Variants in NEK11 observed in about 807,000 individuals in gnomAD.
The protein encoded by NEK11 is NIMA related kinase 11, also known as serine/threonine-protein kinase Nek11.
In NEK11, 72 loss-of-function variants were observed where a neutral mutation model predicts 80.7. The ratio of observed to expected loss-of-function variants is 0.89; its 90% CI spans 0.74 to 1.08. NEK11 has a LOEUF of 1.08. NEK11 is among the 50% of genes least tolerant of loss of function. The probability of loss-of-function intolerance (pLI) is 0.00; values close to 1 mark genes in which losing one functional copy is unlikely to be tolerated. For missense variants in NEK11, 764 were observed against 763.6 expected, an observed-to-expected ratio of 1.00 and a Z score of -0.01; for synonymous variants, 251 against 260.7, an observed-to-expected ratio of 0.96 and a Z score of 0.36.
chr3:131,294,222 G>A (rs1296475817), intron 17 of NEK11, among the ~76,000 whole-genome samples: 3 of 151,888 alleles, frequency 2.0e-5, no homozygotes, highest in Admixed American at 2.0e-4. Flanking sequence ...TTTTTCCTAA[G>A]CATTGCTTTC....
chr3:131,296,786 T>A (rs550377213), intron 17 of NEK11, among the ~76,000 whole-genome samples: 7 of 152,234 alleles, frequency 4.6e-5, no homozygotes, highest in Admixed American at 1.3e-4. Context: ...GCATTAGGTA[T>A]AGCTCCTAAT....
intron 14 of NEK11, among the ~76,000 whole-genome samples, chr3:131,172,818 C>G (rs1447418655): frequency 2.0e-5 from 3 of 152,126 alleles, no homozygotes; most frequent in African/African-American, 7.2e-5. Flanking sequence ...AGATACAGGT[C>G]ACAAAGACCT....
intron 17 of NEK11, among the ~76,000 whole-genome samples, chr3:131,296,908 C>T (rs1029810949): frequency 3.3e-5 from 5 of 151,672 alleles, no homozygotes; most frequent in East Asian, 1.9e-4. Flanking sequence ...GAGAATATGC[C>T]GTGTTTGGTT....
At chr3:131,093,434 T>A (rs1183788518) in intron 4 of NEK11, among the ~76,000 whole-genome samples, 1 of 152,072 alleles carries the variant, frequency 6.6e-6, no homozygotes, top group Non-Finnish European at 1.5e-5. Flanking sequence ...TGTGCAATTT[T>A]TTTTTTTGAG....
intron 4 of NEK11, among the ~76,000 whole-genome samples, chr3:131,083,530 G>T (rs998062869): frequency 6.6e-6 from 1 of 152,200 alleles, no homozygotes; most frequent in Non-Finnish European, 1.5e-5. Context: ...CTCTTAACTG[G>T]CACAGGGCTG....
At chr3:131,334,931 T>C (rs1236606019) in intron 17 of NEK11, among the ~76,000 whole-genome samples, 1 of 152,180 alleles carries the variant, frequency 6.6e-6, no homozygotes, top group Admixed American at 6.5e-5. Context: ...AGAAGTTCAA[T>C]CTCTGAATAG....
At chr3:131,321,170 C>G (rs2096893668) in intron 17 of NEK11, among the ~76,000 whole-genome samples, 1 of 152,092 alleles carries the variant, frequency 6.6e-6, no homozygotes, top group East Asian at 1.9e-4. Flanking sequence ...ACCAATGGAA[C>G]AGAATAGAGA....
In NEK11 at chr3:131,313,299, T is replaced by TATG. The variant is rs2096800282; in HGVS notation, c.1719-36255_1719-36253dup. ...GTGAATATACACATGCATGTATCTT[T>TATG]ATGATAGAATGATTTATATTCCTTT... On this transcript the variant is annotated intron_variant, in intron 17 of 17. Coordinates refer to ENST00000383366, the MANE Select transcript of NEK11 (RefSeq NM_024800.5). 2.0e-5 allele frequency among the ~76,000 whole-genome samples: 3 copies of TATG among 152,198 alleles called. No homozygotes were observed. In the South Asian group the frequency reaches 6.2e-4, roughly 31 times the overall value.
At chr3:131,122,144 T>G (rs1400905635) in intron 5 of NEK11, among the ~76,000 whole-genome samples, 1 of 152,160 alleles carries the variant, frequency 6.6e-6, no homozygotes, top group Non-Finnish European at 1.5e-5. Context: ...TCCTGAAAGG[T>G]AGTGTTAAGA....
chr3:131,199,615 C>T (rs1404403512), intron 14 of NEK11, among the ~76,000 whole-genome samples: 1 of 151,128 alleles, frequency 6.6e-6, no homozygotes, highest in Admixed American at 6.6e-5. Context: ...AAGTCCCTAA[C>T]CTCTTGGAAT....
At chr3:131,122,526 G>A (rs1382948364) in intron 5 of NEK11, among the ~76,000 whole-genome samples, 1 of 152,234 alleles carries the variant, frequency 6.6e-6, no homozygotes, top group Non-Finnish European at 1.5e-5. Flanking sequence ...CAGGACAGGG[G>A]CCACATGGCA....
intron 17 of NEK11, among the ~76,000 whole-genome samples, chr3:131,332,088 G>T (rs888861061): frequency 2.0e-4 from 31 of 152,316 alleles, no homozygotes; most frequent in Non-Finnish European, 2.8e-4. Context: ...TAAACGTCCC[G>T]GTCTGACAGC....
intron 16 of NEK11, among the ~76,000 whole-genome samples, chr3:131,248,071 T>G (rs1206121416): frequency 2.6e-5 from 4 of 152,102 alleles, no homozygotes; most frequent in African/African-American, 9.7e-5. Flanking sequence ...TTTTTCCAAT[T>G]TGGGTGCTAT....
chr3:131,152,360 T>C (rs575424163), intron 7 of NEK11, 28 bp from the exon 8 acceptor site: 9 of 1,564,432 alleles, frequency 5.8e-6, no homozygotes, highest in African/African-American at 1.4e-5. Context: ...ATTTGTTCCT[T>C]ATTTAAATTC....
At chr3:131,172,304 T>G (rs2092742282) in intron 14 of NEK11, among the ~76,000 whole-genome samples, 1 of 152,248 alleles carries the variant, frequency 6.6e-6, no homozygotes, top group African/African-American at 2.4e-5. Context: ...CACAATGATG[T>G]AACAGCTCTT....
intron 17 of NEK11, among the ~76,000 whole-genome samples, chr3:131,301,891 C>T (rs2096665022): frequency 6.6e-6 from 1 of 152,010 alleles, no homozygotes; most frequent in Admixed American, 6.6e-5. Context: ...GGGAGGAGTC[C>T]CTCCTCCTTA....
At position 131,262,899 on chromosome 3, in the gene NEK11, T is replaced by C. The variant is rs142134381; in HGVS notation, c.1622-10579T>C. Among the ~76,000 whole-genome samples, 608 of 151,610 alleles carry C rather than the reference T, an allele frequency of 4.0e-3. 3 individuals are homozygous for C. The highest frequency in any genetic ancestry group is 5.7e-3 in the Admixed American group (87 of 15,206). ...TCATTGTTCAACTCTCACTTATGAG[T>C]GAGAACATGCAATGTTTGGTTTTCT... On this transcript the variant is annotated intron_variant, in intron 16 of 17. Transcript: ENST00000383366.
At chr3:131,121,371 G>A (rs572313271) in intron 5 of NEK11, among the ~76,000 whole-genome samples, 19 of 152,330 alleles carry the variant, frequency 1.2e-4, no homozygotes, top group African/African-American at 4.6e-4. Flanking sequence ...GGGGCACCTG[G>A]CTGTAGGAGG....
chr3:131,298,547 C>T (rs2096626547), intron 17 of NEK11, among the ~76,000 whole-genome samples: 1 of 152,176 alleles, frequency 6.6e-6, no homozygotes, highest in Admixed American at 6.5e-5. Context: ...CACAAGCATT[C>T]TTATACTTGC....
Sources: gnomAD v4.1 joint callset for allele counts (sites outside exome capture counted in the v4.1 genomes callset) on GRCh38, gnomAD v4.1.1 for gene constraint, MANE v1.5 for transcripts, NCBI Gene and HGNC (gene_info 2026-07-23, HGNC 2026-07-21) for gene names.